RBFOX2: variants seen among roughly 807,000 people sequenced by gnomAD.
RBFOX2 encodes the protein RNA binding protein fox-1 homolog 2.
RBFOX2 carries 10 observed loss-of-function variants against 49.1 expected under a neutral mutation model. That is an observed-to-expected ratio of 0.20 (90% CI 0.13 to 0.35). The LOEUF is 0.35. Among genes scored for constraint, RBFOX2 ranks in the 10% least tolerant of loss-of-function variants. The pLI is 1.00. For missense variants in RBFOX2, 323 were observed against 486.9 expected, an observed-to-expected ratio of 0.66 and a Z score of 3.17; for synonymous variants, 183 against 187.4, an observed-to-expected ratio of 0.98 and a Z score of 0.19.
chr22:35,908,245 T>C (rs2149492345), intron 1 of RBFOX2, among the ~76,000 whole-genome samples: 1 of 152,232 alleles, frequency 6.6e-6, no homozygotes, highest in East Asian at 1.9e-4. Context: ...ATTACAGGGA[T>C]GTTGTCAAAC....
Position 36,011,200 on chromosome 22 carries a change from T to G in RBFOX2, c.186+17040A>C, listed in dbSNP as rs577730564. On this transcript the variant is annotated intron_variant, in intron 1 of 13. Transcript: ENST00000438146. ...GCTGACCCACAATGTGCCCCACCAG[T>G]GCAAAAAAGACCAGGGGCAGCTGAC... Among the ~76,000 whole-genome samples, 59 of 152,200 alleles carry G rather than the reference T, an allele frequency of 3.9e-4. 1 individual carries two copies. The South Asian group carries it at 0.011, about 27-fold the overall frequency.
At chr22:35,857,623 G>A (rs2042657416) in intron 1 of RBFOX2, among the ~76,000 whole-genome samples, 2 of 152,160 alleles carry the variant, frequency 1.3e-5, no homozygotes, top group Admixed American at 1.3e-4. Flanking sequence ...AAGAGAAAAG[G>A]AGAAATAGCC....
At chr22:35,986,532 T>C (rs1569519039) in intron 1 of RBFOX2, among the ~76,000 whole-genome samples, 1 of 152,154 alleles carries the variant, frequency 6.6e-6, no homozygotes, top group South Asian at 2.1e-4. Context: ...CAGTTCATCA[T>C]AAAAGACCAA....
Position 35,951,796 on chromosome 22 carries a change from A to T in RBFOX2, c.42+9767T>A, listed in dbSNP as rs554892094. On this transcript the variant is annotated intron_variant, in intron 1 of 5. Coordinates refer to the RBFOX2 transcript ENST00000408983. ...TATACAATTTTTCCCCCATATTACA[A>T]ATCCAGGTCTGTCTTACATTAAAGT... Among the ~76,000 whole-genome samples the T allele has an allele frequency of 1.4e-4, 21 of 152,276 alleles. 1 individual carries two copies. Among genetic ancestry groups the T allele is most frequent in the Admixed American group, 3.3e-4 (5 of 15,306 alleles).
At chr22:35,995,650 C>T (rs1301005061) in intron 1 of RBFOX2, 7 of 154,374 alleles carry the variant, frequency 4.5e-5, no homozygotes, top group Non-Finnish European at 2.9e-5. Flanking sequence ...CCCCTTCACA[C>T]TCTCTCTCTC....
At chr22:35,816,915 T>C (rs2148346572) in intron 1 of RBFOX2, among the ~76,000 whole-genome samples, 1 of 152,196 alleles carries the variant, frequency 6.6e-6, no homozygotes, top group East Asian at 1.9e-4. Flanking sequence ...AAAGCAAAGA[T>C]GACCATATTT....
intron 1 of RBFOX2, among the ~76,000 whole-genome samples, chr22:35,931,722 C>T (rs1316551137): frequency 6.6e-6 from 1 of 152,106 alleles, no homozygotes; most frequent in Non-Finnish European, 1.5e-5. Flanking sequence ...TTGCAATGAG[C>T]AGAGATCATG....
chr22:36,028,218 G>A (rs1603470035), intron 1 of RBFOX2, 22 bp downstream of exon 1: 2 of 1,478,830 alleles, frequency 1.4e-6, no homozygotes, highest in East Asian at 2.8e-5. Flanking sequence ...CAATAACTGG[G>A]CGCCCCGTCC....
intron 9 of RBFOX2, chr22:35,747,854 C>T (rs1933353372): frequency 6.6e-6 from 1 of 152,146 alleles, no homozygotes; most frequent in Non-Finnish European, 1.5e-5. Context: ...TTTCTACTTC[C>T]TATTTTTTCA....
At chr22:35,823,504 C>G (rs1954976887) in intron 1 of RBFOX2, among the ~76,000 whole-genome samples, 1 of 152,074 alleles carries the variant, frequency 6.6e-6, no homozygotes, top group Non-Finnish European at 1.5e-5. Context: ...TACTTCTATA[C>G]TGTTATTTCA....
intron 1 of RBFOX2, among the ~76,000 whole-genome samples, chr22:35,916,137 T>C (rs139243012): frequency 1.3e-5 from 2 of 152,360 alleles, no homozygotes; most frequent in Admixed American, 1.3e-4. Flanking sequence ...ACTAAAAACA[T>C]AGGCTTCGGT....
chr22:35,962,176 T>A (rs962163519), upstream of RBFOX2, among the ~76,000 whole-genome samples: 2 of 152,160 alleles, frequency 1.3e-5, no homozygotes, highest in African/African-American at 4.8e-5. Flanking sequence ...GTCTTTAACC[T>A]CTTAGAAGAT....
chr22:35,937,380 A>G (rs1029044096), intron 1 of RBFOX2, among the ~76,000 whole-genome samples: 1 of 152,152 alleles, frequency 6.6e-6, no homozygotes, highest in Non-Finnish European at 1.5e-5. Context: ...TCCATCTTCA[A>G]TATCAACAGT....
chr22:35,803,903 G>C (rs1468646351), intron 2 of RBFOX2, among the ~76,000 whole-genome samples: 3 of 152,160 alleles, frequency 2.0e-5, no homozygotes, highest in Non-Finnish European at 4.4e-5. Flanking sequence ...CAAGAAAAAT[G>C]AATAGAACTT....
chr22:35,855,271 A>T (rs1217088384), intron 1 of RBFOX2, among the ~76,000 whole-genome samples: 1 of 152,208 alleles, frequency 6.6e-6, no homozygotes, highest in African/African-American at 2.4e-5. Context: ...TCCACTTTCA[A>T]GTTTACACTC....
upstream of RBFOX2, chr22:35,840,614 G>C (rs988011264): frequency 2.8e-6 from 3 of 1,083,714 alleles, no homozygotes; most frequent in African/African-American, 3.7e-5. Context: ...CTGTGCGCAC[G>C]CGTGTGTGCG....
chr22:35,805,424 C>A (rs1037444816), intron 2 of RBFOX2, among the ~76,000 whole-genome samples: 1 of 149,100 alleles, frequency 6.7e-6, no homozygotes, highest in Non-Finnish European at 1.5e-5. Flanking sequence ...CAAACTAAAA[C>A]AACAATGAGA....
intron 1 of RBFOX2, among the ~76,000 whole-genome samples, chr22:35,818,671 T>G (rs1953735897): frequency 6.6e-6 from 1 of 151,966 alleles, no homozygotes; most frequent in African/African-American, 2.4e-5. Flanking sequence ...CCTGTAGTAC[T>G]ACCTACTCAG....
intron 1 of RBFOX2, among the ~76,000 whole-genome samples, chr22:35,888,182 C>T (rs1477402194): frequency 2.6e-5 from 4 of 152,192 alleles, no homozygotes; most frequent in South Asian, 4.1e-4. Flanking sequence ...ACAACTGACT[C>T]GCCACCACAT....
Sources: allele counts gnomAD v4.1 joint callset (sites outside exome capture counted in the v4.1 genomes callset), GRCh38; gene constraint gnomAD v4.1.1; transcripts MANE v1.5; gene names NCBI Gene and HGNC (gene_info 2026-07-23, HGNC 2026-07-21).